Variants in NR4A1 observed in about 807,000 individuals in gnomAD.
NR4A1 encodes nuclear receptor subfamily 4immunitygroup A member 1.
NR4A1 carries 24 observed loss-of-function variants against 47.5 expected under a neutral mutation model. The observed-to-expected ratio is 0.50, with a 90% confidence interval of 0.37 to 0.71. NR4A1 has a LOEUF of 0.71. Among genes scored for constraint, NR4A1 ranks in the 30% least tolerant of loss-of-function variants. The pLI, the probability that NR4A1 is intolerant of heterozygous loss-of-function variation, is 0.00. For synonymous variants in NR4A1, 353 were observed against 345.7 expected (o/e 1.02, Z -0.24); for missense variants, 669 against 788.6 (o/e 0.85, Z 1.82).
rs56399921 is a variant in NR4A1, at chr12:52,051,495, G to A, written c.-76G>A. On this transcript the variant is annotated 5_prime_UTR_variant, in exon 1 of 7. Coordinates refer to ENST00000394825, the MANE Select transcript of NR4A1 (RefSeq NM_173157.3). The stretch of plus-strand genomic sequence containing the variant: ...GGGGGAGTGCACAGAAGAACTTCGG[G>A]AGCGCACGCGGGACCAGGGACCAGG... The A allele has an allele frequency of 4.6e-3, 4,578 of 985,684 alleles. 10 individuals are homozygous for A. Among genetic ancestry groups the A allele is most frequent in the Non-Finnish European group, 5.2e-3 (4,303 of 830,074 alleles). The allele number at this position is 985,684 out of a possible 1,614,324, so 61.1% of individuals were successfully genotyped here.
Position 52,058,945 on chromosome 12 carries a change from C to A in NR4A1, c.*1C>A. 6.2e-7 allele frequency: 1 copy of A among 1,608,468 alleles called. No homozygotes were observed. The highest frequency in any genetic ancestry group is 1.1e-5 in the South Asian group (1 of 90,842). ...CTTCATGGACACGCTGCCCTTCTGA[C>A]CCCTGCCTGGGAACACGTGTGCACA... On this transcript the variant is annotated 3_prime_UTR_variant, in exon 7 of 7. Transcript: ENST00000394825.
chr12:52,054,438 T>TGGCCA lies in NR4A1; in HGVS notation c.112_116dup (p.Ser39ArgfsTer80). On this transcript the variant is annotated frameshift_variant, in exon 2 of 7. Transcript: ENST00000394825. LOFTEE classifies it high-confidence loss of function. ...GAGTTCATCAAGCCCACCATGGACC[T>TGGCCA]GGCCAGCCCCGAGGCAGCCCCCGCT... 1 of 1,613,578 alleles carries TGGCCA rather than the reference T, an allele frequency of 6.2e-7. No individual in the cohort carries two copies. Among genetic ancestry groups the TGGCCA allele is most frequent in the Non-Finnish European group, 8.5e-7 (1 of 1,179,932 alleles).
chr12:52,047,026 G>A (rs867391916), upstream of NR4A1, among the ~76,000 whole-genome samples: 1 of 151,688 alleles, frequency 6.6e-6, no homozygotes, highest in Middle Eastern at 3.4e-3. Context: ...GGGCCGTGGT[G>A]TGGGGGCCTG....
chr12:52,045,839 G>A (rs1938613503), intron 2 of NR4A1, among the ~76,000 whole-genome samples: 1 of 152,230 alleles, frequency 6.6e-6, no homozygotes, highest in African/African-American at 2.4e-5. Context: ...AGCAGAGCCT[G>A]GGCCTGACCT....
chr12:52,052,629 C>T (rs540372669), intron 1 of NR4A1: 11 of 985,526 alleles, frequency 1.1e-5, no homozygotes, highest in African/African-American at 3.5e-5. Flanking sequence ...CTGCTCCCCC[C>T]TCCTGTGAGG....
At chr12:52,043,878 T>C in intron 2 of NR4A1, 1 of 1,289,190 alleles carries the variant, frequency 7.8e-7, no homozygotes, top group South Asian at 1.2e-5. Flanking sequence ...GGGACCTTTT[T>C]CCAGGGTCAA....
intron 2 of NR4A1, chr12:52,042,009 A>G: frequency 8.3e-7 from 1 of 1,201,740 alleles, no homozygotes; most frequent in Non-Finnish European, 1.0e-6. Flanking sequence ...GAGCTGCCCA[A>G]AGCGGATGTG....
At chr12:52,048,510 C>T (rs946632654), upstream of NR4A1, among the ~76,000 whole-genome samples, 3 of 152,106 alleles carry the variant, frequency 2.0e-5, no homozygotes, top group African/African-American at 4.8e-5. Flanking sequence ...AGGAGAATGG[C>T]GTGAACCCGG....
chr12:52,036,634 C>T (rs922682009), intron 1 of NR4A1, among the ~76,000 whole-genome samples: 2 of 152,236 alleles, frequency 1.3e-5, no homozygotes, highest in Admixed American at 6.5e-5. Context: ...GAAGTGCCCT[C>T]TTCAGGAGAA....
chr12:52,054,301 C>T (rs1939126743), intron 1 of NR4A1, 26 bp from the exon 2 acceptor site: 2 of 1,571,066 alleles, frequency 1.3e-6, no homozygotes, highest in African/African-American at 1.4e-5. Flanking sequence ...TCTCCTTTCC[C>T]TCCCTGGGGT....
chr12:52,037,365 G>T (rs913586586), intron 1 of NR4A1: 11 of 985,526 alleles, frequency 1.1e-5, no homozygotes, highest in Admixed American at 6.2e-5. Context: ...CGCCCCTGCG[G>T]TGCAGAGCAG....
chr12:52,054,758 C>T lies in NR4A1; in HGVS notation c.430C>T (p.Pro144Ser). ...CTGCTCGGCCCCGTCGCCCTCCACG[C>T]CCAGCTTCCAGCCGCCCCAGCTCTC... ...SPCSAPSPST[P>S]SFQPPQLSPW... The change falls in exon 2 of 7, where the codon CCC becomes TCC. Residue 144 changes from proline (P) to serine (S), a missense_variant. Transcript: ENST00000394825. 1.9e-6 allele frequency: 3 copies of T among 1,612,610 alleles called. No individual in the cohort carries two copies. The highest frequency in any genetic ancestry group is 1.3e-5 in the African/African-American group (1 of 75,048).
intron 1 of NR4A1, among the ~76,000 whole-genome samples, chr12:52,040,781 C>T (rs1490973684): frequency 6.6e-6 from 1 of 152,202 alleles, no homozygotes; most frequent in African/African-American, 2.4e-5. Context: ...CTGGGGTCCT[C>T]CTCCTCTTTG....
upstream of NR4A1, among the ~76,000 whole-genome samples, chr12:52,051,227 T>G (rs1938913528): frequency 6.6e-6 from 1 of 152,156 alleles, no homozygotes; most frequent in African/African-American, 2.4e-5. Flanking sequence ...GAACCCCGCG[T>G]GCGTCACGCG....
intron 1 of NR4A1, among the ~76,000 whole-genome samples, chr12:52,035,261 T>C (rs895160077): frequency 2.0e-5 from 3 of 152,238 alleles, no homozygotes; most frequent in African/African-American, 7.2e-5. Flanking sequence ...GCATTCCACA[T>C]TTTAGAATAT....
chr12:52,043,813 A>G, intron 2 of NR4A1: 1 of 1,288,398 alleles, frequency 7.8e-7, no homozygotes. Flanking sequence ...GCTCCCTGAG[A>G]CCACCAGGAA....
chr12:52,043,218 C>T (rs891205809), intron 2 of NR4A1, among the ~76,000 whole-genome samples: 1 of 152,162 alleles, frequency 6.6e-6, no homozygotes, highest in Non-Finnish European at 1.5e-5. Context: ...CAGGTGTTCT[C>T]TGGTCAGCTG....
intron 1 of NR4A1, chr12:52,037,355 C>A: frequency 1.0e-6 from 1 of 985,494 alleles, no homozygotes; most frequent in East Asian, 1.1e-4. Flanking sequence ...CAGGCATGGG[C>A]GCCCCTGCGG....
intron 1 of NR4A1, chr12:52,052,367 C>T: frequency 2.5e-6 from 1 of 397,544 alleles, no homozygotes; most frequent in Non-Finnish European, 3.4e-6. Context: ...CTTGGGGATC[C>T]TGGATAGAAG....
Sources: allele counts gnomAD v4.1 joint callset (sites outside exome capture counted in the v4.1 genomes callset), GRCh38; gene constraint gnomAD v4.1.1; transcripts MANE v1.5; gene names NCBI Gene and HGNC (gene_info 2026-07-23, HGNC 2026-07-21).